CNTN5: variants seen among roughly 807,000 people sequenced by gnomAD.
CNTN5 encodes the protein contactin-5.
CNTN5 carries 77 observed loss-of-function variants against 129.1 expected under a neutral mutation model. The observed-to-expected ratio is 0.60, with a 90% confidence interval of 0.50 to 0.72. CNTN5 has a LOEUF of 0.72. Ranked by LOEUF, CNTN5 falls within the 30% of genes least tolerant of loss-of-function variation. CNTN5 has a pLI of 0.00. For missense variants in CNTN5, 1,478 were observed against 1,328.8 expected (o/e 1.11, Z -1.75); for synonymous variants, 509 against 465.6 (o/e 1.09, Z -1.20).
chr11:100,023,807 A>C (rs536137138), intron 9 of CNTN5, among the ~76,000 whole-genome samples: 2 of 152,080 alleles, frequency 1.3e-5, no homozygotes, highest in African/African-American at 4.8e-5. Flanking sequence ...TGCACACTTA[A>C]GTTTTCTCCA....
At chr11:99,795,096 A>G (rs1336671230) in intron 3 of CNTN5, among the ~76,000 whole-genome samples, 1 of 152,076 alleles carries the variant, frequency 6.6e-6, no homozygotes, top group African/African-American at 2.4e-5. Context: ...ATAATCCCAT[A>G]TTTCATGGAG....
At chr11:100,228,297 C>T (rs899639474) in intron 16 of CNTN5, among the ~76,000 whole-genome samples, 2 of 152,152 alleles carry the variant, frequency 1.3e-5, no homozygotes. Context: ...TGAATTACAA[C>T]TTACATGATG....
intron 1 of CNTN5, among the ~76,000 whole-genome samples, chr11:99,151,228 A>T (rs946644277): frequency 1.3e-5 from 2 of 152,048 alleles, no homozygotes; most frequent in Non-Finnish European, 1.5e-5. Context: ...TCCTTTTTTA[A>T]GTATCCTAGA....
At chr11:99,227,766 A>T (rs1860769056) in intron 1 of CNTN5, among the ~76,000 whole-genome samples, 1 of 152,198 alleles carries the variant, frequency 6.6e-6, no homozygotes, top group African/African-American at 2.4e-5. Flanking sequence ...CTTAGGAAAC[A>T]CAGAAAAATA....
intron 3 of CNTN5, among the ~76,000 whole-genome samples, chr11:99,602,161 T>G (rs145672165): frequency 3.3e-4 from 50 of 152,112 alleles, no homozygotes; most frequent in African/African-American, 1.2e-3. Context: ...GCAGACAAAA[T>G]AGTTACCATG....
intron 18 of CNTN5, among the ~76,000 whole-genome samples, chr11:100,287,695 T>A (rs941936839): frequency 2.6e-5 from 4 of 151,926 alleles, no homozygotes; most frequent in African/African-American, 9.7e-5. Context: ...AGAAACTGCA[T>A]CAACTAATGA....
chr11:99,960,872 T>C (rs555616764), intron 8 of CNTN5, among the ~76,000 whole-genome samples: 31 of 151,796 alleles, frequency 2.0e-4, no homozygotes, highest in Admixed American at 1.8e-3. Flanking sequence ...CAAAAAATAA[T>C]GAGGAGAAGG....
intron 6 of CNTN5, among the ~76,000 whole-genome samples, chr11:99,894,148 T>C (rs996742933): frequency 6.6e-6 from 1 of 152,152 alleles, no homozygotes; most frequent in African/African-American, 2.4e-5. Context: ...TAGTAGGTGG[T>C]ATATAGGTTT....
At chr11:99,099,805 A>T (rs914267691) in intron 1 of CNTN5, among the ~76,000 whole-genome samples, 46 of 152,242 alleles carry the variant, frequency 3.0e-4, no homozygotes, top group African/African-American at 1.1e-3. Flanking sequence ...ACTTCGAAAA[A>T]ACTGACATTT....
chr11:99,275,937 T>G (rs553810862), intron 1 of CNTN5, among the ~76,000 whole-genome samples: 3 of 151,562 alleles, frequency 2.0e-5, no homozygotes, highest in African/African-American at 7.3e-5. Context: ...AGAGAAATAA[T>G]TGAAGCCATA....
chr11:99,366,171 T>C (rs756537057), intron 2 of CNTN5, among the ~76,000 whole-genome samples: 8 of 152,258 alleles, frequency 5.3e-5, no homozygotes, highest in African/African-American at 1.9e-4. Context: ...TAATGATTAT[T>C]TTGTTTCTCT....
intron 1 of CNTN5, among the ~76,000 whole-genome samples, chr11:99,108,591 CATA>C (rs1165268738): frequency 6.6e-6 from 1 of 152,092 alleles, no homozygotes; most frequent in Non-Finnish European, 1.5e-5. Context: ...ATTGTATAAG[CATA>C]ATATCTAAAA....
At chr11:99,916,368 T>C (rs2136014173) in intron 7 of CNTN5, among the ~76,000 whole-genome samples, 1 of 152,270 alleles carries the variant, frequency 6.6e-6, no homozygotes, top group African/African-American at 2.4e-5. Flanking sequence ...CCATTCTAAC[T>C]GTTAACTGTC....
chr11:99,937,002 T>C (rs1322945123), intron 7 of CNTN5, among the ~76,000 whole-genome samples: 1 of 152,154 alleles, frequency 6.6e-6, no homozygotes, highest in Non-Finnish European at 1.5e-5. Context: ...GTGTATGTAA[T>C]ACAGTACATA....
Position 100,192,988 on chromosome 11 carries a change from T to C in CNTN5, c.1709-500T>C, listed in dbSNP as rs190756552. Among the ~76,000 whole-genome samples the C allele has an allele frequency of 2.8e-3, 423 of 152,100 alleles. 3 individuals are homozygous for C. The highest frequency in any genetic ancestry group is 9.8e-3 in the African/African-American group (409 of 41,558). On this transcript the variant is annotated intron_variant, in intron 14 of 24. Transcript: ENST00000524871. Reference sequence around the variant, plus strand: ...AAGCAAATACAAGGTAGTGTTGTTGTAGTATTATATTTTTATCTCTGTTAA... The same window carrying C: ...AAGCAAATACAAGGTAGTGTTGTTGCAGTATTATATTTTTATCTCTGTTAA...
intron 3 of CNTN5, among the ~76,000 whole-genome samples, chr11:99,765,790 A>C (rs1944734231): frequency 6.6e-6 from 1 of 151,784 alleles, no homozygotes; most frequent in South Asian, 2.1e-4. Context: ...GGGTACACAA[A>C]AGGAAGTTAT....
intron 3 of CNTN5, among the ~76,000 whole-genome samples, chr11:99,757,816 C>A (rs979191893): frequency 6.6e-6 from 1 of 151,904 alleles, no homozygotes; most frequent in Non-Finnish European, 1.5e-5. Context: ...ATATTAGTTC[C>A]TTTATATATA....
intron 3 of CNTN5, among the ~76,000 whole-genome samples, chr11:99,798,272 A>G (rs745387296): frequency 3.3e-5 from 5 of 151,622 alleles, no homozygotes; most frequent in Non-Finnish European, 7.4e-5. Context: ...TGCCCAATCC[A>G]TGTTCCTGCA....
intron 3 of CNTN5, among the ~76,000 whole-genome samples, chr11:99,778,105 G>A (rs538448938): frequency 1.3e-5 from 2 of 151,744 alleles, no homozygotes; most frequent in African/African-American, 4.8e-5. Context: ...CAGATGCACT[G>A]TTCACATCCT....
Sources: allele counts gnomAD v4.1 joint callset (sites outside exome capture counted in the v4.1 genomes callset), GRCh38; gene constraint gnomAD v4.1.1; transcripts MANE v1.5; gene names NCBI Gene and HGNC (gene_info 2026-07-23, HGNC 2026-07-21).